MICU1: variants seen among roughly 807,000 people sequenced by gnomAD.
MICU1 encodes the protein calcium uptake protein 1, mitochondrial.
Under a neutral mutation model 56.8 loss-of-function variants are expected in MICU1, and 45 were observed. The observed-to-expected ratio is 0.79, with a 90% CI of 0.62 to 1.02. The LOEUF is 1.02. Among genes scored for constraint, MICU1 ranks in the 50% least tolerant of loss-of-function variants. The pLI, the probability that MICU1 is intolerant of heterozygous loss-of-function variation, is 0.00. For missense variants in MICU1, 504 were observed against 587.1 expected (o/e 0.86, Z 1.46); for synonymous variants, 186 against 195.1 (o/e 0.95, Z 0.39).
chr10:72,440,044 A>G (rs528602987), intron 8 of MICU1, among the ~76,000 whole-genome samples: 38 of 152,276 alleles, frequency 2.5e-4, no homozygotes, highest in African/African-American at 8.7e-4. Context: ...ACTGGAAAAA[A>G]CTACTTTAAA....
chr10:72,605,014 T>C (rs3009538), intron 1 of MICU1, among the ~76,000 whole-genome samples: 91,166 of 151,992 alleles, frequency 0.6, 28,598 homozygotes, highest in Non-Finnish European at 0.67. Flanking sequence ...GTACAATGCC[T>C]AACATGCAGC....
chr10:72,556,863 G>A lies in MICU1; in HGVS notation c.331-5522C>T, dbSNP rs376779968. ...GTGGATCACCTGAGGTCAGGAGTTCGAGACCAGCCTGGCCAAAATGGTGAA... is the reference window on the plus strand; with the variant it reads ...GTGGATCACCTGAGGTCAGGAGTTCAAGACCAGCCTGGCCAAAATGGTGAA... On this transcript the variant is annotated intron_variant, in intron 3 of 11. Coordinates refer to ENST00000361114, the MANE Select transcript of MICU1 (RefSeq NM_001195518.2). 9.9e-5 allele frequency among the ~76,000 whole-genome samples: 15 copies of A among 151,682 alleles called. No homozygotes were observed. In the East Asian group the frequency reaches 1.2e-3, roughly 12 times the overall value.
intron 4 of MICU1, among the ~76,000 whole-genome samples, chr10:72,541,361 T>C (rs1839769297): frequency 6.6e-6 from 1 of 152,260 alleles, no homozygotes; most frequent in Non-Finnish European, 1.5e-5. Context: ...TCAGGTGGCA[T>C]GTGCCCAGAG....
intron 10 of MICU1, among the ~76,000 whole-genome samples, chr10:72,387,194 A>G (rs745455320): frequency 2.6e-5 from 4 of 152,206 alleles, no homozygotes; most frequent in Non-Finnish European, 5.9e-5. Context: ...ATAATCATAC[A>G]ATTTCAAATC....
chr10:72,464,931 T>C (rs764338951), intron 8 of MICU1, among the ~76,000 whole-genome samples: 5 of 152,154 alleles, frequency 3.3e-5, no homozygotes, highest in African/African-American at 4.8e-5. Flanking sequence ...AGTGTATATA[T>C]AGAGAAAATA....
intron 6 of MICU1, among the ~76,000 whole-genome samples, chr10:72,492,579 A>AT (rs1443066468): frequency 6.6e-6 from 1 of 151,862 alleles, no homozygotes; most frequent in Non-Finnish European, 1.5e-5. Context: ...CCTGACCAAC[A>AT]TGGTGAAACT....
chr10:72,405,563 C>A (rs540755070), intron 10 of MICU1, among the ~76,000 whole-genome samples: 1 of 130,932 alleles, frequency 7.6e-6, no homozygotes, highest in Non-Finnish European at 1.7e-5. Context: ...ACATAAAACC[C>A]GAAAAGACAT....
intron 5 of MICU1, among the ~76,000 whole-genome samples, chr10:72,512,152 G>A (rs957933753): frequency 1.2e-4 from 14 of 118,678 alleles, no homozygotes; most frequent in African/African-American, 5.2e-4. Context: ...TCGTTTTGTC[G>A]CCAGGCTGGA....
chr10:72,620,236 G>A (rs1357084171), intron 1 of MICU1, among the ~76,000 whole-genome samples: 1 of 152,142 alleles, frequency 6.6e-6, no homozygotes, highest in Non-Finnish European at 1.5e-5. Flanking sequence ...CCAGGCTGGT[G>A]TACAGTAGTG....
intron 3 of MICU1, among the ~76,000 whole-genome samples, chr10:72,557,499 A>G (rs543181865): frequency 6.6e-6 from 1 of 152,362 alleles, no homozygotes; most frequent in South Asian, 2.1e-4. Context: ...AAATCTTAAG[A>G]TCACTGAAAT....
intron 10 of MICU1, among the ~76,000 whole-genome samples, chr10:72,385,899 G>A (rs1196052000): frequency 1.3e-5 from 2 of 152,196 alleles, no homozygotes; most frequent in Admixed American, 6.5e-5. Flanking sequence ...ATGCTGTGAG[G>A]GGCCTGGTGG....
intron 1 of MICU1, among the ~76,000 whole-genome samples, chr10:72,585,994 A>ATTTTTTTTTTTT (rs1276935862): frequency 1.0e-5 from 1 of 100,188 alleles, no homozygotes; most frequent in Non-Finnish European, 2.1e-5. Context: ...TATTGTTTTT[A>ATTTTTTTTTTTT]TTTTTTCTTT....
chr10:72,386,846 A>G (rs902018300), intron 10 of MICU1, among the ~76,000 whole-genome samples: 4 of 152,076 alleles, frequency 2.6e-5, no homozygotes, highest in African/African-American at 9.7e-5. Flanking sequence ...GCCTGCACTC[A>G]TTTTTTGACA....
chr10:72,388,520 C>T (rs1470812877), intron 10 of MICU1, among the ~76,000 whole-genome samples: 2 of 152,098 alleles, frequency 1.3e-5, no homozygotes, highest in East Asian at 3.8e-4. Context: ...AAGGTAAGGA[C>T]TATGGATGTC....
At chr10:72,374,958 G>A (rs1172272942) in intron 11 of MICU1, among the ~76,000 whole-genome samples, 5 of 151,420 alleles carry the variant, frequency 3.3e-5, no homozygotes, top group Non-Finnish European at 5.9e-5. Context: ...TTTCAGGCAC[G>A]CACCACTGTG....
chr10:72,457,754 TCAC>T (rs1462245404), intron 8 of MICU1, among the ~76,000 whole-genome samples: 3 of 151,760 alleles, frequency 2.0e-5, no homozygotes, highest in Admixed American at 6.6e-5. Flanking sequence ...AGAGAGATAG[TCAC>T]CACCACCACA....
intron 8 of MICU1, among the ~76,000 whole-genome samples, chr10:72,466,862 G>A (rs778919281): frequency 1.3e-5 from 2 of 152,198 alleles, no homozygotes; most frequent in Non-Finnish European, 2.9e-5. Flanking sequence ...TGGGTAGAAA[G>A]ATGTCAACTT....
rs781003575 is a variant in MICU1 at position 72,550,148 on chromosome 10, GT to G, written c.493+1030del. Among the ~76,000 whole-genome samples the G allele has an allele frequency of 2.6e-5, 4 of 152,184 alleles. No homozygotes were observed. In the South Asian group the frequency reaches 8.3e-4, roughly 32 times the overall value. ...TTATTTTTAAAATAAATTTAGTGTA[GT>G]CTAAGTATACAACGTTTATAAAATC... On this transcript the variant is annotated intron_variant, in intron 4 of 11. Coordinates refer to ENST00000361114, the MANE Select transcript of MICU1 (RefSeq NM_001195518.2).
rs1000428130 is a variant in MICU1 at position 72,525,417 on chromosome 10, T to C, written c.537+8329A>G. On this transcript the variant is annotated intron_variant, in intron 5 of 11. Coordinates refer to ENST00000361114, the MANE Select transcript of MICU1 (RefSeq NM_001195518.2). Reference sequence around the variant, plus strand: ...TTCACAAGCCTACAGCTGGAACTTATGTGACAGAGCCCAAGGGATTTTACG... The same window carrying C: ...TTCACAAGCCTACAGCTGGAACTTACGTGACAGAGCCCAAGGGATTTTACG... Among the ~76,000 whole-genome samples the C allele has an allele frequency of 4.6e-5, 7 of 152,194 alleles. No homozygotes were observed. In the East Asian group the frequency reaches 9.6e-4, roughly 21 times the overall value.
Sources: allele counts gnomAD v4.1 joint callset (sites outside exome capture counted in the v4.1 genomes callset), GRCh38; gene constraint gnomAD v4.1.1; transcripts MANE v1.5; gene names NCBI Gene and HGNC (gene_info 2026-07-23, HGNC 2026-07-21).